TTC13: variants seen among roughly 807,000 people sequenced by gnomAD.
TTC13 encodes the protein tetratricopeptide repeat domain 13.
A neutral mutation model predicts 120.0 loss-of-function variants in TTC13; 62 were observed. The ratio of observed to expected loss-of-function variants is 0.52; its 90% CI spans 0.42 to 0.64. The LOEUF (loss-of-function observed/expected upper bound fraction) is 0.64. TTC13 is among the 30% of genes least tolerant of loss of function. The pLI is 0.00. For missense variants in TTC13, 824 were observed against 1,050.2 expected, an observed-to-expected ratio of 0.78 and a Z score of 2.98; for synonymous variants, 384 against 393.5, an observed-to-expected ratio of 0.98 and a Z score of 0.28.
intron 2 of TTC13, among the ~76,000 whole-genome samples, chr1:230,959,219 C>T (rs1376213247): frequency 1.3e-5 from 2 of 152,056 alleles, no homozygotes; most frequent in Non-Finnish European, 2.9e-5. Context: ...TTTGCCAAGC[C>T]TTTCTGCAAA....
At chr1:230,909,189 T>C (rs1424314430) in intron 20 of TTC13, among the ~76,000 whole-genome samples, 169 bp from the exon 21 acceptor site, 2 of 152,232 alleles carry the variant, frequency 1.3e-5, no homozygotes, top group Non-Finnish European at 2.9e-5. Context: ...TGTTTAAGAA[T>C]AGTTACTAAT....
intron 5 of TTC13, among the ~76,000 whole-genome samples, chr1:230,945,094 C>G (rs1674864386): frequency 6.6e-6 from 1 of 152,136 alleles, no homozygotes; most frequent in Non-Finnish European, 1.5e-5. Context: ...ACTCTAAGTC[C>G]TACTGCACTA....
chr1:230,939,576 GA>G (rs879803670), intron 7 of TTC13, 80 bp from the exon 8 acceptor site: 66 of 931,330 alleles, frequency 7.1e-5, no homozygotes, highest in Admixed American at 3.3e-4. Flanking sequence ...GGCTGGTAGA[GA>G]AAAAAAATCT....
chr1:230,910,546 T>C (rs1447417796), intron 20 of TTC13, among the ~76,000 whole-genome samples: 1 of 152,000 alleles, frequency 6.6e-6, no homozygotes, highest in Admixed American at 6.6e-5. Flanking sequence ...ATTGAAGAGA[T>C]GTAGGGATGA....
At chr1:230,938,984 T>A (rs1674319787) in intron 8 of TTC13, among the ~76,000 whole-genome samples, 1 of 152,156 alleles carries the variant, frequency 6.6e-6, no homozygotes. Flanking sequence ...CTGAAGGGCT[T>A]TTCTTCTCCC....
At chr1:230,968,185 G>GGT (rs1553299103) in intron 1 of TTC13, among the ~76,000 whole-genome samples, 9 of 13,972 alleles carry the variant, frequency 6.4e-4, no homozygotes, top group Non-Finnish European at 1.1e-3. Flanking sequence ...CTATGGTGGT[G>GGT]GGGGGGGGGC....
intron 3 of TTC13, 127 bp from the exon 4 acceptor site, chr1:230,954,530 G>C: frequency 1.5e-6 from 1 of 648,628 alleles, no homozygotes; most frequent in Non-Finnish European, 2.6e-6. Flanking sequence ...AGAAAACCTA[G>C]AAGTTAATAA....
In TTC13 at chr1:230,908,865, G is replaced by A. The variant is rs376898075; in HGVS notation, c.2389-74C>T. ...GCTCGGCTGGAGATCTATGTAACTC[G>A]TGTACCTTAAAATAAAAATCCATAA... On this transcript the variant is annotated intron_variant, in intron 21 of 22. Coordinates refer to ENST00000366661, the MANE Select transcript of TTC13 (RefSeq NM_024525.5). 1.9e-4 allele frequency: 306 copies of A among 1,604,218 alleles called. 4 individuals are homozygous for A. The South Asian group carries it at 2.4e-3, about 13-fold the overall frequency.
intron 3 of TTC13, among the ~76,000 whole-genome samples, chr1:230,956,121 C>T (rs1162490200): frequency 6.6e-6 from 1 of 152,166 alleles, no homozygotes; most frequent in Non-Finnish European, 1.5e-5. Flanking sequence ...ATTTTGCAGA[C>T]AAGGAAATAA....
chr1:230,976,935 G>A (rs1392092402), intron 1 of TTC13, among the ~76,000 whole-genome samples: 1 of 152,164 alleles, frequency 6.6e-6, no homozygotes, highest in Non-Finnish European at 1.5e-5. Context: ...TTTAGCCAGT[G>A]AGCACCACAT....
rs571595473 is a variant in TTC13, at chr1:230,961,274, C to A, written c.301G>T (p.Asp101Tyr). 1.2e-6 allele frequency: 2 copies of A among 1,614,018 alleles called. No homozygotes were observed. The highest frequency in any genetic ancestry group is 2.2e-5 in the South Asian group (2 of 91,024). The change falls in exon 2 of 23, where the codon GAC becomes TAC. Residue 101 changes from aspartate to tyrosine, a missense_variant. This residue lies in a region of TTC13 where 160 missense variants were observed against 137.2 expected (regional missense o/e 1.17). Transcript: ENST00000366661. ...ESSFLNFHDS[D>Y]CEPKGSSPCD... Reference sequence around the variant, plus strand: ...GGTGATGATCCCTTGGGTTCGCAGTCTGAGTCATGGAAGTTCAAAAAGGAT... The same window carrying A: ...GGTGATGATCCCTTGGGTTCGCAGTATGAGTCATGGAAGTTCAAAAAGGAT...
intron 4 of TTC13, 32 bp from the exon 5 acceptor site, chr1:230,945,486 A>G (rs1317664827): frequency 6.2e-7 from 1 of 1,604,090 alleles, no homozygotes; most frequent in Non-Finnish European, 8.5e-7. Flanking sequence ...CACGTCAAAA[A>G]CCATAAACAA....
chr1:230,974,455 A>C (rs1280826583), intron 1 of TTC13, among the ~76,000 whole-genome samples: 1 of 152,186 alleles, frequency 6.6e-6, no homozygotes, highest in African/African-American at 2.4e-5. Context: ...TTCTGTATTT[A>C]GATACACAAA....
rs148006517 is a variant in TTC13, at chr1:230,940,952, G to A, written c.673-396C>T. 1.4e-3 allele frequency among the ~76,000 whole-genome samples: 208 copies of A among 152,124 alleles called. 2 individuals carry two copies. The highest frequency in any genetic ancestry group is 3.3e-3 in the Admixed American group (51 of 15,290). On this transcript the variant is annotated intron_variant, in intron 6 of 22. Coordinates refer to ENST00000366661, the MANE Select transcript of TTC13 (RefSeq NM_024525.5). This position sits in a 1 kb window ranked among gnomAD's most constrained non-coding sequence, Gnocchi z 4.1. ...GAACCATTAAAATAGACAAATTATC[G>A]GACACAGATTAGAGTCTTCCATGGT... is the stretch of plus-strand genomic sequence containing the variant.
intron 8 of TTC13, 81 bp downstream of exon 8, chr1:230,939,305 C>A (rs2102871793): frequency 5.6e-6 from 4 of 710,806 alleles, no homozygotes; most frequent in Non-Finnish European, 9.4e-6. Flanking sequence ...TAAATACCAG[C>A]CATCAATCAA....
chr1:230,923,759 A>G (rs1672801177), intron 15 of TTC13, 82 bp downstream of exon 15: 6 of 1,153,418 alleles, frequency 5.2e-6, no homozygotes, highest in Non-Finnish European at 7.6e-6. Context: ...GAAAGGAGCA[A>G]TGGGTCACTC....
chr1:230,949,799 C>CGG (rs1675383844), intron 4 of TTC13, among the ~76,000 whole-genome samples: 1 of 152,166 alleles, frequency 6.6e-6, no homozygotes, highest in Admixed American at 6.5e-5. Flanking sequence ...GCGCCAGCCA[C>CGG]CATGCCCAGC....
intron 17 of TTC13, among the ~76,000 whole-genome samples, chr1:230,916,772 T>TCACACC (rs1379591253): frequency 1.3e-5 from 2 of 152,160 alleles, no homozygotes; most frequent in South Asian, 2.1e-4. Flanking sequence ...AGAACTTCAT[T>TCACACC]CACACCCACA....
intron 4 of TTC13, among the ~76,000 whole-genome samples, chr1:230,952,548 C>T (rs1006106149): frequency 1.3e-5 from 2 of 152,134 alleles, no homozygotes; most frequent in African/African-American, 4.8e-5. Flanking sequence ...CTGAAAGCAA[C>T]CCATTGTATC....
Sources: allele counts gnomAD v4.1 joint callset (sites outside exome capture counted in the v4.1 genomes callset), GRCh38; gene constraint gnomAD v4.1.1; regional missense constraint gnomAD v4.1.1; non-coding constraint Gnocchi (gnomAD v3.1); transcripts MANE v1.5; gene names NCBI Gene and HGNC (gene_info 2026-07-23, HGNC 2026-07-21).